The following TENM1 variants were observed in gnomAD, a reference collection of about 807,000 sequenced individuals.
TENM1 encodes teneurin-1.
In TENM1, 35 loss-of-function variants were observed where a neutral mutation model predicts 174.8. The ratio of observed to expected loss-of-function variants is 0.20; its 90% CI spans 0.15 to 0.27. The LOEUF is 0.27. Among genes scored for constraint, TENM1 ranks in the 10% least tolerant of loss-of-function variants. TENM1 has a pLI of 1.00. For synonymous variants in TENM1, 781 were observed against 798.7 expected (o/e 0.98, Z 0.37); for missense variants, 1,633 against 2,130.1 (o/e 0.77, Z 4.59).
chrX:124,664,480 A>G (rs1198744119), intron 6 of TENM1, among the ~76,000 whole-genome samples: 2 of 100,177 alleles, frequency 2.0e-5, no homozygotes, highest in Non-Finnish European at 4.0e-5. Context: ...CAGGTCCACA[A>G]TTGGCATTGT....
rs757287348 is a variant in TENM1 at position 124,749,029 on chromosome X, C to T, written c.536-11832G>A. On this transcript the variant is annotated intron_variant, in intron 3 of 31. Coordinates refer to ENST00000422452, the Ensembl canonical transcript of TENM1. ...TAGCCTAAGAGGATAATCTACTTGA[C>T]TCCAAGACACTTGATTACTTAAAAC... Among the ~76,000 whole-genome samples the T allele has an allele frequency of 4.5e-5, 5 of 111,320 alleles. No homozygotes were observed. The South Asian group carries it at 1.9e-3, about 42-fold the overall frequency.
At chrX:124,587,404 T>A (rs1172623293) in intron 11 of TENM1, among the ~76,000 whole-genome samples, 24 of 107,925 alleles carry the variant, frequency 2.2e-4, no homozygotes, top group Admixed American at 8.9e-4. Flanking sequence ...AACTATCTGA[T>A]CTTTGACAAA....
intron 23 of TENM1, among the ~76,000 whole-genome samples, chrX:124,425,351 G>A (rs1316316186): frequency 9.0e-6 from 1 of 111,132 alleles, no homozygotes; most frequent in Non-Finnish European, 1.9e-5. Context: ...TTGTCATTCT[G>A]ATAACAGCCA....
the TENM1 span, among the ~76,000 whole-genome samples, chrX:124,982,270 G>GAAAAAAA: frequency 1.9e-4 from 2 of 10,555 alleles, no homozygotes; most frequent in Non-Finnish European, 3.1e-4. Flanking sequence ...AAGAAAATGT[G>GAAAAAAA]AAAAAAAAAA....
chrX:125,141,244 G>A, the TENM1 span, among the ~76,000 whole-genome samples: 34 of 111,979 alleles, frequency 3.0e-4, no homozygotes, highest in African/African-American at 1.1e-3. Flanking sequence ...GAAAGCCCAT[G>A]CAGAGTTAGG....
chrX:124,377,023 C>T (rs1400543926), exon 32 of TENM1: 2 of 110,453 alleles, frequency 1.8e-5, no homozygotes, highest in African/African-American at 6.6e-5. Context: ...CAATGAACTC[C>T]ATTACAATCA....
At chrX:125,119,641 C>A in the TENM1 span, among the ~76,000 whole-genome samples, 4 of 110,570 alleles carry the variant, frequency 3.6e-5, no homozygotes, top group Non-Finnish European at 5.7e-5. Flanking sequence ...TTAATAATAT[C>A]CCTAGACAAA....
chrX:124,495,902 G>A (rs1466965039), intron 20 of TENM1, among the ~76,000 whole-genome samples: 9 of 102,372 alleles, frequency 8.8e-5, no homozygotes, highest in African/African-American at 2.6e-4. Context: ...AAAAGAGCCC[G>A]CATCGCCAAG....
intron 25 of TENM1, among the ~76,000 whole-genome samples, chrX:124,409,131 C>T (rs1364799599): frequency 9.1e-6 from 1 of 109,836 alleles, no homozygotes; most frequent in African/African-American, 3.3e-5. Context: ...AATAAACATA[C>T]GTGTGCATGT....
rs1012433317 is a variant in TENM1 at position 124,606,957 on chromosome X, A to T, written c.2077+34834T>A. On this transcript the variant is annotated intron_variant, in intron 11 of 31. Transcript: ENST00000422452. ...GAAGAGAAGGAATAAGAGGATGAGG[A>T]TGAGGAGAAGGAGGGAGAGGCAGAA... 5.4e-5 allele frequency among the ~76,000 whole-genome samples: 6 copies of T among 110,502 alleles called. No individual in the cohort carries two copies. In the Admixed American group the frequency reaches 5.8e-4, roughly 11 times the overall value.
At chrX:125,067,619 C>G in the TENM1 span, among the ~76,000 whole-genome samples, 2 of 111,782 alleles carry the variant, frequency 1.8e-5, no homozygotes, top group Non-Finnish European at 3.8e-5. Flanking sequence ...AAGAAATGCT[C>G]AAAGACTATT....
intron 3 of TENM1, among the ~76,000 whole-genome samples, chrX:124,872,553 T>C (rs1407066803): frequency 1.8e-5 from 2 of 112,268 alleles, no homozygotes; most frequent in African/African-American, 6.5e-5. Context: ...AAACTCTATT[T>C]AAAATCAACC....
the TENM1 span, among the ~76,000 whole-genome samples, chrX:125,046,531 TC>T: frequency 8.9e-6 from 1 of 112,320 alleles, no homozygotes; most frequent in South Asian, 3.7e-4. Context: ...AGGTTGAAGT[TC>T]CATCCTCAAA....
intron 3 of TENM1, among the ~76,000 whole-genome samples, chrX:124,738,172 A>G (rs748960321): frequency 8.9e-6 from 1 of 111,816 alleles, no homozygotes; most frequent in East Asian, 2.8e-4. Flanking sequence ...TTCTTGTAAC[A>G]CCAGCACGTT....
intron 11 of TENM1, among the ~76,000 whole-genome samples, chrX:124,617,688 A>C (rs2050427950): frequency 8.9e-6 from 1 of 112,038 alleles, no homozygotes; most frequent in African/African-American, 3.2e-5. Flanking sequence ...TTTTTACTTT[A>C]AATTCCTCGG....
intron 25 of TENM1, among the ~76,000 whole-genome samples, chrX:124,411,060 C>T (rs1257121357): frequency 8.9e-6 from 1 of 112,228 alleles, no homozygotes; most frequent in Admixed American, 9.4e-5. Flanking sequence ...TCCCAATGAA[C>T]CTTTGCAGTG....
chrX:125,085,820 C>A, the TENM1 span, among the ~76,000 whole-genome samples: 1 of 110,692 alleles, frequency 9.0e-6, no homozygotes, highest in African/African-American at 3.3e-5. Flanking sequence ...GATAATGATG[C>A]TTTCTGACTA....
chrX:124,908,727 A>C (rs1258000936), intron 1 of TENM1, among the ~76,000 whole-genome samples: 1 of 111,657 alleles, frequency 9.0e-6, no homozygotes, highest in African/African-American at 3.3e-5. Flanking sequence ...CCTCTTTTTT[A>C]ATATGTAAAA....
intron 26 of TENM1, 87 bp from the exon 30 acceptor site, chrX:124,405,353 C>T: frequency 4.0e-6 from 3 of 756,954 alleles, no homozygotes; most frequent in Non-Finnish European, 5.8e-6. Context: ...TTAGGAGGCA[C>T]GTTTGGGGGA....
Sources: allele counts gnomAD v4.1 joint callset (sites outside exome capture counted in the v4.1 genomes callset), GRCh38; gene constraint gnomAD v4.1.1; transcripts MANE v1.5; gene names NCBI Gene and HGNC (gene_info 2026-07-23, HGNC 2026-07-21).